The following ELF1 variants were observed in gnomAD, a reference collection of about 807,000 sequenced individuals.
ELF1 encodes ETS-related transcription factor Elf-1.
In ELF1, 24 loss-of-function variants were observed where a neutral mutation model predicts 59.9. That is an observed-to-expected ratio of 0.40 (90% confidence interval 0.29 to 0.56). The LOEUF is 0.56. Ranked by LOEUF, ELF1 falls within the 20% of genes least tolerant of loss-of-function variation. The pLI, the probability that ELF1 is intolerant of heterozygous loss-of-function variation, is 0.44. For synonymous variants in ELF1, 248 were observed against 266.2 expected (o/e 0.93, Z 0.67); for missense variants, 627 against 742.2 (o/e 0.84, Z 1.80).
At chr13:40,950,570 ACCTATT>A (rs1299386297) in intron 4 of ELF1, among the ~76,000 whole-genome samples, 3 of 151,970 alleles carry the variant, frequency 2.0e-5, no homozygotes, top group Non-Finnish European at 4.4e-5. Flanking sequence ...TGTCTCTTCT[ACCTATT>A]AAAAGCTTGT....
chr13:40,979,900 T>C (rs1873157625), intron 2 of ELF1, among the ~76,000 whole-genome samples: 1 of 152,156 alleles, frequency 6.6e-6, no homozygotes, highest in Non-Finnish European at 1.5e-5. Context: ...TTTTATTAGG[T>C]GACTTCTTTT....
intron 1 of ELF1, among the ~76,000 whole-genome samples, chr13:41,056,956 C>T (rs1877307196): frequency 6.6e-6 from 1 of 151,956 alleles, no homozygotes; most frequent in Non-Finnish European, 1.5e-5. Context: ...AGGAAGCCTA[C>T]GTAGCCAAGA....
intron 2 of ELF1, among the ~76,000 whole-genome samples, chr13:40,976,411 T>G (rs1295859934): frequency 6.6e-6 from 1 of 152,218 alleles, no homozygotes; most frequent in Non-Finnish European, 1.5e-5. Flanking sequence ...TGCAGTGCAG[T>G]CAATGGCTCC....
chr13:40,950,677 A>C (rs1262765378), intron 4 of ELF1, among the ~76,000 whole-genome samples: 1 of 152,188 alleles, frequency 6.6e-6, no homozygotes, highest in Non-Finnish European at 1.5e-5. Context: ...GCAATTCGCT[A>C]TCACTCTTGT....
intron 1 of ELF1, among the ~76,000 whole-genome samples, chr13:41,013,661 A>G (rs1875200841): frequency 3.3e-5 from 5 of 152,282 alleles, no homozygotes; most frequent in African/African-American, 9.6e-5. Context: ...ATATGAGGCA[A>G]AACTGTTTAA....
intron 1 of ELF1, among the ~76,000 whole-genome samples, chr13:41,017,795 T>TA (rs540219894): frequency 0.022 from 3,224 of 147,154 alleles, 78 homozygotes; most frequent in African/African-American, 0.065. Context: ...TTAAAAAAGT[T>TA]AAAAAAAAAA....
At chr13:41,037,207 A>T (rs1268903584) in intron 1 of ELF1, among the ~76,000 whole-genome samples, 2 of 152,132 alleles carry the variant, frequency 1.3e-5, no homozygotes, top group African/African-American at 2.4e-5. Context: ...TGTCATATAC[A>T]ATGTGCTAAG....
chr13:40,986,165 TA>T (rs2138285204), intron 1 of ELF1, among the ~76,000 whole-genome samples: 1 of 152,296 alleles, frequency 6.6e-6, no homozygotes, highest in East Asian at 1.9e-4. Flanking sequence ...AGTAAAATAG[TA>T]ACACAAAGCA....
chr13:40,987,304 C>A (rs1446636777), intron 1 of ELF1, among the ~76,000 whole-genome samples: 1 of 147,560 alleles, frequency 6.8e-6, no homozygotes, highest in African/African-American at 2.5e-5. Context: ...ATAAATAGTC[C>A]GGTGCCGTGG....
At chr13:40,955,810 C>T (rs1301488992) in intron 3 of ELF1, among the ~76,000 whole-genome samples, 10 of 132,502 alleles carry the variant, frequency 7.5e-5, no homozygotes, top group Admixed American at 5.8e-4. Flanking sequence ...CCGCCCCGTC[C>T]GGGAGGTGAG....
chr13:40,971,001 T>C (rs1454508401), intron 2 of ELF1, among the ~76,000 whole-genome samples: 3 of 152,132 alleles, frequency 2.0e-5, no homozygotes, highest in Non-Finnish European at 4.4e-5. Flanking sequence ...AACACTAGGC[T>C]ATATATTATT....
chr13:41,017,566 T>A (rs915217058), intron 1 of ELF1, among the ~76,000 whole-genome samples: 1 of 152,180 alleles, frequency 6.6e-6, no homozygotes, highest in East Asian at 1.9e-4. Flanking sequence ...TGGTCTTTTC[T>A]TGGTTCTCTT....
At chr13:40,979,218 T>TACACACACAC (rs147590741) in intron 2 of ELF1, among the ~76,000 whole-genome samples, 9 of 151,172 alleles carry the variant, frequency 6.0e-5, no homozygotes, top group East Asian at 1.9e-4. Flanking sequence ...AAAGATACAC[T>TACACACACAC]ACACACACAC....
chr13:40,932,882 C>T lies in ELF1; in HGVS notation c.*543G>A, dbSNP rs1171852738. 1.3e-5 allele frequency: 2 copies of T among 153,306 alleles called. No homozygotes were observed. Among genetic ancestry groups the T allele is most frequent in the East Asian group, 1.9e-4 (1 of 5,230 alleles). The allele number at this position is 153,306 out of a possible 1,614,324, so 9.5% of individuals were successfully genotyped here. On this transcript the variant is annotated 3_prime_UTR_variant, in exon 9 of 9. Coordinates refer to ENST00000239882, the MANE Select transcript of ELF1 (RefSeq NM_172373.4). ...TGCTTCTGAAACAGGGTCAGCCATACCACCAGCACCTCCAATTTTTCATGT... is the reference window on the plus strand; with the variant it reads ...TGCTTCTGAAACAGGGTCAGCCATATCACCAGCACCTCCAATTTTTCATGT...
chr13:40,947,050 T>C lies in ELF1; in HGVS notation c.529+2756A>G, dbSNP rs1593353710. Among the ~76,000 whole-genome samples the C allele has an allele frequency of 2.0e-5, 3 of 152,122 alleles. No individual in the cohort carries two copies. The East Asian group carries it at 5.8e-4, about 29-fold the overall frequency. On this transcript the variant is annotated intron_variant, in intron 5 of 8. Coordinates refer to ENST00000239882, the MANE Select transcript of ELF1 (RefSeq NM_172373.4). ...GTACCAATCGTATATTGTTTTATTG[T>C]TGAGTGGTATTTTTACTGTGTTGAT...
Position 40,981,987 on chromosome 13 carries a change from C to T in ELF1, c.68G>A (p.Arg23Gln), listed in dbSNP as rs1327553855. 3.1e-6 allele frequency: 5 copies of T among 1,605,150 alleles called. No individual in the cohort carries two copies. Among genetic ancestry groups the T allele is most frequent in the Admixed American group, 1.7e-5 (1 of 59,116 alleles). ...AATTTTCTCTGAATCTCATACCTGTCGTTCATCCTCCATGACGTTACTAGC... is the reference window on the plus strand; with the variant it reads ...AATTTTCTCTGAATCTCATACCTGTTGTTCATCCTCCATGACGTTACTAGC... ...EFASNVMEDE[R>Q]QLGDPAIFPA... Residue 23 changes from arginine to glutamine, a missense_variant, in exon 2 of 9, where the codon CGA becomes CAA. By Grantham distance (43) the Arg-to-Gln change is conservative. Transcript: ENST00000239882.
At chr13:40,980,955 T>C (rs1873224982) in intron 2 of ELF1, among the ~76,000 whole-genome samples, 1 of 152,118 alleles carries the variant, frequency 6.6e-6, no homozygotes, top group African/African-American at 2.4e-5. Flanking sequence ...TCCTCACCTT[T>C]TGTAGGTTTA....
rs118107675 is a variant in ELF1, at chr13:41,033,371, C to T, written c.-229+27467G>A. Among the ~76,000 whole-genome samples the T allele has an allele frequency of 1.5e-4, 23 of 152,264 alleles. No homozygotes were observed. In the East Asian group the frequency reaches 3.5e-3, roughly 23 times the overall value. ...TTCACTTAAATTACTTGTTATAGTG[C>T]CAGGACACATAGTATGTTCTCAAAT... On this transcript the variant is annotated intron_variant, in intron 1 of 1. Transcript: ENST00000405737.
In ELF1 at chr13:40,981,974, A is replaced by G; in HGVS notation, c.72+9T>C. On this transcript the variant is annotated intron_variant, in intron 2 of 8. Transcript: ENST00000239882. ...GTCATTAAAATGAAATTTTCTCTGA[A>G]TCTCATACCTGTCGTTCATCCTCCA... The G allele has an allele frequency of 1.9e-6, 3 of 1,601,182 alleles. No homozygotes were observed. Among genetic ancestry groups the G allele is most frequent in the Non-Finnish European group, 2.6e-6 (3 of 1,174,264 alleles).
Sources: gnomAD v4.1 joint callset for allele counts (sites outside exome capture counted in the v4.1 genomes callset) on GRCh38, gnomAD v4.1.1 for gene constraint, MANE v1.5 for transcripts, NCBI Gene and HGNC (gene_info 2026-07-23, HGNC 2026-07-21) for gene names.